The following NOS2 variants were observed in gnomAD, a reference collection of about 807,000 sequenced individuals.
NOS2 encodes nitric oxide synthase, inducible.
A neutral mutation model predicts 136.0 loss-of-function variants in NOS2; 96 were observed. That is an observed-to-expected ratio of 0.71 (90% CI 0.60 to 0.84). The LOEUF is 0.84. Ranked by LOEUF, NOS2 falls within the 40% of genes least tolerant of loss-of-function variation. The pLI is 0.00. For synonymous variants in NOS2, 539 were observed against 587.5 expected, an observed-to-expected ratio of 0.92 and a Z score of 1.20; for missense variants, 1,237 against 1,496.9, an observed-to-expected ratio of 0.83 and a Z score of 2.87.
intron 6 of NOS2, 67 bp downstream of exon 6, chr17:27,782,877 T>C (rs1597554985): frequency 2.0e-6 from 3 of 1,513,782 alleles, no homozygotes; most frequent in South Asian, 2.3e-5. Flanking sequence ...TGTGTGGCTG[T>C]TCCAAGCCAT....
intron 9 of NOS2, among the ~76,000 whole-genome samples, chr17:27,779,798 C>A (rs952009198): frequency 6.6e-6 from 1 of 152,158 alleles, no homozygotes; most frequent in African/African-American, 2.4e-5. Context: ...CCTCTCTGAG[C>A]CTCAACATCC....
Position 27,788,874 on chromosome 17 carries a change from C to T in NOS2, c.253G>A (p.Val85Met). Residue 85 changes from valine (V) to methionine (M), a missense_variant, in exon 4 of 27, where the codon GTG becomes ATG. By Grantham distance (21) the Val-to-Met change is conservative. This residue lies in a region of NOS2 where 440 missense variants were observed against 545.4 expected (regional missense o/e 0.81). Transcript: ENST00000313735. ...CCGCTGCCCCAGTTTTTGATCCTCA[C>T]ATGCCGTGGGGAGGACAATGGGGTT... ...DATPLSSPRH[V>M]RIKNWGSGMT... The T allele has an allele frequency of 6.2e-7, 1 of 1,614,214 alleles. No individual in the cohort carries two copies. The highest frequency in any genetic ancestry group is 8.5e-7 in the Non-Finnish European group (1 of 1,180,026).
At chr17:27,783,161 A>T in intron 5 of NOS2, 55 bp from the exon 6 acceptor site, 6 of 1,574,266 alleles carry the variant, frequency 3.8e-6, no homozygotes, top group Admixed American at 1.7e-5. Flanking sequence ...TTACATGGGG[A>T]TTAATTCAAT....
At position 27,778,979 on chromosome 17, in the gene NOS2, C is replaced by T. The variant is rs1313237808; in HGVS notation, c.1082G>A (p.Gly361Asp). The part of the protein sequence containing the change: ...AVANMLLEVG[G>D]LEFPGCPFNG... ...GAAGGGGCACCCTGGGAACTCCAGGCCGCCCACCTCAAGCAGCATGTTGGC... is the reference window on the plus strand; with the variant it reads ...GAAGGGGCACCCTGGGAACTCCAGGTCGCCCACCTCAAGCAGCATGTTGGC... Residue 361 changes from glycine (G) to aspartate (D), a missense_variant, in exon 10 of 27, where the codon GGC becomes GAC. By Grantham distance (94) the Gly-to-Asp change is moderately conservative (BLOSUM62 -1). Around this residue, in one of 3 missense-constraint regions of NOS2, gnomAD observed 440 missense variants for 545.4 expected, o/e 0.81. Transcript: ENST00000313735. 4 of 1,612,588 alleles carry T rather than the reference C, an allele frequency of 2.5e-6. No individual in the cohort carries two copies. Among genetic ancestry groups the T allele is most frequent in the African/African-American group, 2.7e-5 (2 of 74,868 alleles).
rs1281986004 is a variant in NOS2, at chr17:27,767,677, G to T, written c.2167+28C>A. The stretch of plus-strand genomic sequence containing the variant: ...AGGGCTCAGACCCCAACACAAACAA[G>T]CCCCATGTGCTGCAGAGAAGCAGGT... On this transcript the variant is annotated intron_variant, in intron 18 of 26. Coordinates refer to ENST00000313735, the MANE Select transcript of NOS2 (RefSeq NM_000625.4). 4.3e-6 allele frequency: 7 copies of T among 1,610,960 alleles called. No homozygotes were observed. In the African/African-American group the frequency reaches 9.3e-5, roughly 22 times the overall value.
chr17:27,765,587 C>T lies in NOS2; in HGVS notation c.2376G>A (p.Val792=). The stretch of plus-strand genomic sequence containing the variant: ...CTGTCTGGTGGGGTGTGGGGCCATC[C>T]ACCACTCGCTCCAGGATACCTTGGA... ...ALVQGILERV[V]DGPTPHQTVR... Residue 792 remains valine, a synonymous_variant, in exon 20 of 27, where the codon GTG becomes GTA. Transcript: ENST00000313735. 6.2e-7 allele frequency: 1 copy of T among 1,612,320 alleles called. No homozygotes were observed. Among genetic ancestry groups the T allele is most frequent in the South Asian group, 1.1e-5 (1 of 91,004 alleles).
intron 15 of NOS2, among the ~76,000 whole-genome samples, chr17:27,769,971 G>A (rs1908439580): frequency 6.6e-6 from 1 of 152,216 alleles, no homozygotes; most frequent in South Asian, 2.1e-4. Flanking sequence ...CTGAAATAAG[G>A]CTGGCTTTCC....
At position 27,762,961 on chromosome 17, in the gene NOS2, G is replaced by A. The variant is rs1458816000; in HGVS notation, c.2637C>T (p.Phe879=). The A allele has an allele frequency of 6.2e-7, 1 of 1,606,296 alleles. No individual in the cohort carries two copies. The highest frequency in any genetic ancestry group is 1.7e-5 in the Admixed American group (1 of 58,810). ...SKWKFTNSPT[F]LEVLEEFPSL... ...ACGGGAACTCCTCTAGCACCTCCAG[G>A]AATGTGGGGCTGTTGGTGAACTTCC... is the stretch of plus-strand genomic sequence containing the variant. Residue 879 remains phenylalanine (F), a synonymous_variant, in exon 22 of 27, where the codon TTC becomes TTT. Coordinates refer to ENST00000313735, the MANE Select transcript of NOS2 (RefSeq NM_000625.4).
chr17:27,766,800 A>G (rs1908316709), intron 18 of NOS2, among the ~76,000 whole-genome samples: 1 of 152,008 alleles, frequency 6.6e-6, no homozygotes, highest in African/African-American at 2.4e-5. Context: ...TAATCCCAGC[A>G]CTTTTGGAGG....
At chr17:27,797,574 T>A (rs992466233) in intron 2 of NOS2, among the ~76,000 whole-genome samples, 5 of 152,264 alleles carry the variant, frequency 3.3e-5, no homozygotes, top group Non-Finnish European at 5.9e-5. Context: ...AGGGCCGTCA[T>A]GCTGTACACA....
Position 27,760,184 on chromosome 17 carries a change from G to T in NOS2, c.3011-6C>A. ...CATGCGGCCTCCCCGCACTCCTGCA[G>T]GAGTCCCGGGCTGTTGTTACCATGT... is the stretch of plus-strand genomic sequence containing the variant. On this transcript the variant is annotated splice_polypyrimidine_tract_variant and splice_region_variant and intron_variant, in intron 24 of 26. Coordinates refer to ENST00000313735, the MANE Select transcript of NOS2 (RefSeq NM_000625.4). 6.4e-7 allele frequency: 1 copy of T among 1,554,954 alleles called. No individual in the cohort carries two copies. The highest frequency in any genetic ancestry group is 8.7e-7 in the Non-Finnish European group (1 of 1,152,766).
rs534017504 is a variant in NOS2 at position 27,764,350 on chromosome 17, G to A, written c.2429-206C>T. On this transcript the variant is annotated intron_variant, in intron 20 of 26. Coordinates refer to ENST00000313735, the MANE Select transcript of NOS2 (RefSeq NM_000625.4). ...GGAAGGCTGATCACCAGCCCCCAAA[G>A]GGGCAGTAAGTTGGCGTGGTCCTGA... Among the ~76,000 whole-genome samples the A allele has an allele frequency of 2.6e-5, 4 of 152,274 alleles. No individual in the cohort carries two copies. In the South Asian group the frequency reaches 8.3e-4, roughly 32 times the overall value.
At chr17:27,786,139 T>C (rs1909016018) in intron 5 of NOS2, among the ~76,000 whole-genome samples, 1 of 151,234 alleles carries the variant, frequency 6.6e-6, no homozygotes, top group East Asian at 1.9e-4. Context: ...AATCCATTTC[T>C]GGGCCGGGCT....
At chr17:27,784,400 C>CAGCAA (rs1186202524) in intron 5 of NOS2, among the ~76,000 whole-genome samples, 6 of 152,182 alleles carry the variant, frequency 3.9e-5, no homozygotes, top group Admixed American at 1.3e-4. Flanking sequence ...CCATAAGGAG[C>CAGCAA]TGCTGGGTGA....
Position 27,773,222 on chromosome 17 carries a change from C to T in NOS2, c.1498G>A (p.Val500Ile). 1 of 1,614,096 alleles carries T rather than the reference C, an allele frequency of 6.2e-7. No individual in the cohort carries two copies. Among genetic ancestry groups the T allele is most frequent in the East Asian group, 2.2e-5 (1 of 44,882 alleles). Reference sequence around the variant, plus strand: ...GGTCTCCGCTTCTCGTCCTGCCAGACATGGGTTTTCCAGGCCTCTACCTTC... The same window carrying T: ...GGTCTCCGCTTCTCGTCCTGCCAGATATGGGTTTTCCAGGCCTCTACCTTC... ...YYQVEAWKTH[V>I]WQDEKRRPKR... is the part of the protein sequence containing the mutation. Residue 500 changes from valine to isoleucine, a missense_variant, in exon 13 of 27, where the codon GTC becomes ATC. Physicochemically the swap from Val to Ile is conservative, Grantham distance 29 (BLOSUM62 3). Transcript: ENST00000313735.
chr17:27,789,754 T>G, intron 2 of NOS2, 66 bp from the exon 3 acceptor site: 1 of 1,109,838 alleles, frequency 9.0e-7, no homozygotes, highest in South Asian at 1.3e-5. Context: ...TGGAGTTCCC[T>G]CTGCCAGTAA....
Position 27,778,742 on chromosome 17 carries a change from C to T in NOS2, c.1229G>A (p.Trp410Ter). 6.2e-7 allele frequency: 1 copy of T among 1,614,204 alleles called. No individual in the cohort carries two copies. Among genetic ancestry groups the T allele is most frequent in the Non-Finnish European group, 8.5e-7 (1 of 1,180,022 alleles). Residue 410 changes from tryptophan to a stop codon, truncating the protein, a stop_gained, in exon 11 of 27, where the codon TGG becomes TAG. Coordinates refer to ENST00000313735, the MANE Select transcript of NOS2 (RefSeq NM_000625.4). LOFTEE classifies it high-confidence loss of function. ...GATCTCAACGACAGCCTGGTCTTTC[C>T]AGAGCGAGGCCAGCTTGTGCGTTTC... ...GLETHKLASLWKDQAVVEINI... is the reference protein window; with the variant it reads ...GLETHKLASL
chr17:27,792,074 T>C (rs999850123), intron 2 of NOS2, among the ~76,000 whole-genome samples: 1 of 152,208 alleles, frequency 6.6e-6, no homozygotes, highest in African/African-American at 2.4e-5. Context: ...TGAGAAGCAA[T>C]GTCTTTGTAC....
At chr17:27,784,916 C>T (rs918197007) in intron 5 of NOS2, among the ~76,000 whole-genome samples, 5 of 152,152 alleles carry the variant, frequency 3.3e-5, no homozygotes, top group Non-Finnish European at 5.9e-5. Flanking sequence ...TGGAAAAATA[C>T]AATTTTCCTC....
Sources: gnomAD v4.1 joint callset for allele counts (sites outside exome capture counted in the v4.1 genomes callset) on GRCh38, gnomAD v4.1.1 for gene constraint, gnomAD v4.1.1 regional missense constraint, MANE v1.5 for transcripts, NCBI Gene and HGNC (gene_info 2026-07-23, HGNC 2026-07-21) for gene names.